LDB2: variants seen among roughly 807,000 people sequenced by gnomAD.
LDB2 encodes the protein LIM domain-binding protein 2.
In LDB2, 12 loss-of-function variants were observed where a neutral mutation model predicts 44.3. That is an observed-to-expected ratio of 0.27 (90% CI 0.17 to 0.44). The LOEUF is 0.44. LDB2 is among the 20% of genes least tolerant of loss of function. The pLI, the probability that LDB2 is intolerant of heterozygous loss-of-function variation, is 1.00. For synonymous variants in LDB2, 164 were observed against 174.8 expected, an observed-to-expected ratio of 0.94 and a Z score of 0.49; for missense variants, 344 against 473.5, an observed-to-expected ratio of 0.73 and a Z score of 2.54.
At chr4:16,713,989 T>C (rs1756492227) in intron 2 of LDB2, among the ~76,000 whole-genome samples, 1 of 152,104 alleles carries the variant, frequency 6.6e-6, no homozygotes, top group South Asian at 2.1e-4. Flanking sequence ...GCCAGAGAGA[T>C]ATTAAGAGCA....
At chr4:16,568,316 A>C (rs911698400) in intron 5 of LDB2, among the ~76,000 whole-genome samples, 3 of 152,206 alleles carry the variant, frequency 2.0e-5, no homozygotes, top group Non-Finnish European at 2.9e-5. Flanking sequence ...AGTTTCAGAT[A>C]TCGAGTAGCT....
intron 1 of LDB2, among the ~76,000 whole-genome samples, chr4:16,795,271 G>T (rs1019928911): frequency 2.0e-5 from 3 of 152,204 alleles, no homozygotes; most frequent in African/African-American, 7.2e-5. Flanking sequence ...AAGAGAGCCT[G>T]TGGTGGAGAC....
intron 1 of LDB2, among the ~76,000 whole-genome samples, chr4:16,759,866 T>TA (rs901075393): frequency 9.9e-5 from 15 of 152,186 alleles, no homozygotes; most frequent in African/African-American, 3.4e-4. Context: ...AGCTTGTTGT[T>TA]AAAAAGAGTA....
intron 1 of LDB2, among the ~76,000 whole-genome samples, chr4:16,866,013 T>C (rs532902567): frequency 6.6e-6 from 1 of 152,212 alleles, no homozygotes; most frequent in African/African-American, 2.4e-5. Context: ...TAACCCCTTG[T>C]CCCATTTTAT....
chr4:16,533,065 G>C lies in LDB2; in HGVS notation c.616-20961C>G, dbSNP rs1730680615. 6.6e-6 allele frequency among the ~76,000 whole-genome samples: 1 copy of C among 152,122 alleles called. No individual in the cohort carries two copies. The highest frequency in any genetic ancestry group is 2.1e-4 in the South Asian group (1 of 4,818). On this transcript the variant is annotated intron_variant, in intron 5 of 7. Coordinates refer to ENST00000304523, the MANE Select transcript of LDB2 (RefSeq NM_001290.5). This position sits in a 1 kb window ranked among gnomAD's most constrained non-coding sequence, Gnocchi z 4.1. Reference sequence around the variant, plus strand: ...TGACCAACTTGCTTCAGTTTGCTTGGGACTGTCCCAGATTTTAAAACTAGA... The same window carrying C: ...TGACCAACTTGCTTCAGTTTGCTTGCGACTGTCCCAGATTTTAAAACTAGA...
intron 2 of LDB2, among the ~76,000 whole-genome samples, chr4:16,672,697 C>T (rs1316346200): frequency 6.6e-6 from 1 of 151,620 alleles, no homozygotes; most frequent in Non-Finnish European, 1.5e-5. Flanking sequence ...CTGCGGATCT[C>T]TAATTAAACA....
chr4:16,752,306 G>C (rs1454264511), intron 2 of LDB2: 4 of 353,008 alleles, frequency 1.1e-5, no homozygotes, highest in Non-Finnish European at 2.2e-5. Context: ...TAAATGTTTA[G>C]TAGTTCCTTG....
At chr4:16,589,638 A>G (rs1408804100) in intron 3 of LDB2, among the ~76,000 whole-genome samples, 2 of 152,094 alleles carry the variant, frequency 1.3e-5, no homozygotes, top group African/African-American at 4.8e-5. Flanking sequence ...TCCTTTCACT[A>G]TTAACAACTT....
At chr4:16,702,943 T>G (rs2152637572) in intron 2 of LDB2, among the ~76,000 whole-genome samples, 1 of 152,282 alleles carries the variant, frequency 6.6e-6, no homozygotes, top group Non-Finnish European at 1.5e-5. Context: ...TCACCTGTAC[T>G]TACGCTGAAT....
intron 5 of LDB2, among the ~76,000 whole-genome samples, chr4:16,521,121 G>T (rs1250304484): frequency 6.6e-6 from 1 of 152,196 alleles, no homozygotes; most frequent in Non-Finnish European, 1.5e-5. Context: ...GAGAGAAGCA[G>T]GTTGTGTTCA....
intron 1 of LDB2, among the ~76,000 whole-genome samples, chr4:16,791,650 T>A (rs1240738608): frequency 6.6e-6 from 1 of 151,736 alleles, no homozygotes; most frequent in Non-Finnish European, 1.5e-5. Context: ...TTAGATATTT[T>A]TTTTGACAAC....
At chr4:16,823,082 C>T (rs1782411026) in intron 1 of LDB2, among the ~76,000 whole-genome samples, 1 of 152,218 alleles carries the variant, frequency 6.6e-6, no homozygotes, top group African/African-American at 2.4e-5. Context: ...ATTCACAGCA[C>T]ACTTGATATA....
chr4:16,603,301 G>A (rs1190116753), intron 2 of LDB2, among the ~76,000 whole-genome samples: 1 of 152,186 alleles, frequency 6.6e-6, no homozygotes, highest in Non-Finnish European at 1.5e-5. Context: ...GGCTTGTAAA[G>A]ATAGTACAGA....
intron 1 of LDB2, among the ~76,000 whole-genome samples, chr4:16,838,702 T>C (rs556699619): frequency 6.6e-6 from 1 of 152,342 alleles, no homozygotes; most frequent in Admixed American, 6.5e-5. Context: ...TTTCTCTGCC[T>C]GGCAGAGTAG....
intron 2 of LDB2, among the ~76,000 whole-genome samples, chr4:16,628,520 C>G (rs1264813669): frequency 2.6e-5 from 4 of 151,948 alleles, no homozygotes; most frequent in African/African-American, 9.7e-5. Flanking sequence ...AGACCCTTCT[C>G]AACTTTTTTT....
intron 1 of LDB2, among the ~76,000 whole-genome samples, chr4:16,857,059 T>C (rs573744341): frequency 6.6e-6 from 1 of 152,350 alleles, no homozygotes; most frequent in South Asian, 2.1e-4. Flanking sequence ...AGAGCTTTTG[T>C]TGACCATGCA....
At position 16,639,872 on chromosome 4, in the gene LDB2, G is replaced by A. The variant is rs530536610; in HGVS notation, c.236-43997C>T. 2.0e-5 allele frequency among the ~76,000 whole-genome samples: 3 copies of A among 152,354 alleles called. No individual in the cohort carries two copies. The East Asian group carries it at 5.8e-4, about 29-fold the overall frequency. On this transcript the variant is annotated intron_variant, in intron 2 of 7. Coordinates refer to ENST00000304523, the MANE Select transcript of LDB2 (RefSeq NM_001290.5). The stretch of plus-strand genomic sequence containing the variant: ...TAAGGGCAGGAGACCCAGAGGCAAT[G>A]GGCAGATGTGCTCTGCTTCACAGCG...
At chr4:16,829,909 AT>A (rs1432556711) in intron 1 of LDB2, among the ~76,000 whole-genome samples, 1 of 152,102 alleles carries the variant, frequency 6.6e-6, no homozygotes, top group African/African-American at 2.4e-5. Context: ...GATTGAGACC[AT>A]CCTGGCCGAC....
chr4:16,744,143 T>G (rs1372860611), intron 2 of LDB2, among the ~76,000 whole-genome samples: 1 of 147,416 alleles, frequency 6.8e-6, no homozygotes, highest in African/African-American at 2.7e-5. Context: ...AATAGACTCA[T>G]GTGGTTTGTT....
Sources: gnomAD v4.1 joint callset for allele counts (sites outside exome capture counted in the v4.1 genomes callset) on GRCh38, gnomAD v4.1.1 for gene constraint, Gnocchi (gnomAD v3.1) non-coding constraint, MANE v1.5 for transcripts, NCBI Gene and HGNC (gene_info 2026-07-23, HGNC 2026-07-21) for gene names.